The following SYNE2 variants were observed in gnomAD, a reference collection of about 807,000 sequenced individuals.
SYNE2 encodes the protein nesprin-2.
A neutral mutation model predicts 856.3 loss-of-function variants in SYNE2; 431 were observed. The ratio of observed to expected loss-of-function variants is 0.50; its 90% CI spans 0.47 to 0.55. SYNE2 has a LOEUF of 0.55. SYNE2 is among the 20% of genes least tolerant of loss of function. SYNE2 has a pLI of 0.00. For synonymous variants in SYNE2, 2,923 were observed against 2,872.3 expected, an observed-to-expected ratio of 1.02 and a Z score of -0.56; for missense variants, 8,129 against 8,023.2, an observed-to-expected ratio of 1.01 and a Z score of -0.50.
At chr14:64,075,684 CA>C in intron 53 of SYNE2, 1 of 418,452 alleles carries the variant, frequency 2.4e-6, no homozygotes, top group Non-Finnish European at 4.4e-6. Context: ...ACTTTAGAAG[CA>C]GGGGGTGTTG....
chr14:63,965,979 C>A (rs368997550), intron 10 of SYNE2, among the ~76,000 whole-genome samples: 12 of 152,138 alleles, frequency 7.9e-5, no homozygotes, highest in South Asian at 6.2e-4. Flanking sequence ...TTTATGAAGT[C>A]ATTAATTATC....
At chr14:63,766,713 C>G (rs1393008289) in intron 1 of SYNE2, among the ~76,000 whole-genome samples, 2 of 152,158 alleles carry the variant, frequency 1.3e-5, no homozygotes, top group African/African-American at 2.4e-5. Context: ...TAGACCACTT[C>G]AGGGGAAGAA....
At chr14:63,858,015 G>T (rs976920497) in intron 1 of SYNE2, among the ~76,000 whole-genome samples, 1 of 152,140 alleles carries the variant, frequency 6.6e-6, no homozygotes, top group Admixed American at 6.6e-5. Context: ...TTGATGGGGC[G>T]ACATCTGGTG....
At chr14:63,983,642 A>G (rs2096603301) in intron 17 of SYNE2, 95 bp from the exon 18 acceptor site, 1 of 1,047,566 alleles carries the variant, frequency 9.5e-7, no homozygotes, top group South Asian at 1.4e-5. Flanking sequence ...TCCTAAACAT[A>G]TATTTGAATA....
In SYNE2 at chr14:64,049,040, C is replaced by T. The variant is rs137993441; in HGVS notation, c.7378-571C>T. 18 of 152,106 alleles carry T rather than the reference C, an allele frequency of 1.2e-4. No homozygotes were observed. In the East Asian group the frequency reaches 3.5e-3, roughly 29 times the overall value. The allele number at this position is 152,106 out of a possible 1,614,324, so 9.4% of individuals were successfully genotyped here. ...AATAATAAAATTAAGATGAATTTCC[C>T]TTTAGATATTGCAGAACTCTTTAAG... is the stretch of plus-strand genomic sequence containing the variant. On this transcript the variant is annotated intron_variant, in intron 46 of 115. Coordinates refer to ENST00000555002, the MANE Select transcript of SYNE2 (RefSeq NM_182914.3).
At chr14:64,181,686 C>T (rs1453724763) in intron 96 of SYNE2, among the ~76,000 whole-genome samples, 1 of 152,154 alleles carries the variant, frequency 6.6e-6, no homozygotes, top group East Asian at 1.9e-4. Flanking sequence ...CCAATTTGAG[C>T]TTGACTTTCC....
intron 56 of SYNE2, 39 bp downstream of exon 56, chr14:64,080,677 G>A (rs1229417913): frequency 6.2e-6 from 10 of 1,606,998 alleles, no homozygotes; most frequent in Admixed American, 1.7e-5. Context: ...ATCATGTGGT[G>A]GTATTGAGAT....
rs1567531495 is a variant in SYNE2 at position 64,168,955 on chromosome 14, A to G, written c.16984A>G (p.Thr5662Ala). The G allele has an allele frequency of 6.2e-7, 1 of 1,613,730 alleles. No homozygotes were observed. The highest frequency in any genetic ancestry group is 8.5e-7 in the Non-Finnish European group (1 of 1,179,762). ...CCAGTCCTTACAACTCCTGGACACA[A>G]CAGAAATAGAGAACAGGTGAGCTGT... ...VTQSLQLLDT[T>A]EIENRPEFIT... Residue 5662 changes from threonine (T) to alanine (A), a missense_variant, in exon 93 of 116, where the codon ACA becomes GCA. Physicochemically the swap from Thr to Ala is moderately conservative, Grantham distance 58. Coordinates refer to ENST00000555002, the MANE Select transcript of SYNE2 (RefSeq NM_182914.3).
intron 1 of SYNE2, among the ~76,000 whole-genome samples, chr14:63,773,186 C>T (rs1886984786): frequency 6.6e-6 from 1 of 151,816 alleles, no homozygotes; most frequent in Admixed American, 6.6e-5. Context: ...TATTTAAATG[C>T]TATTTATTTT....
At position 64,027,480 on chromosome 14, in the gene SYNE2, T is replaced by G; in HGVS notation, c.6405-4T>G. The G allele has an allele frequency of 6.4e-7, 1 of 1,573,376 alleles. No individual in the cohort carries two copies. Among genetic ancestry groups the G allele is most frequent in the Non-Finnish European group, 8.6e-7 (1 of 1,159,588 alleles). On this transcript the variant is annotated splice_region_variant and splice_polypyrimidine_tract_variant and intron_variant, in intron 42 of 115. Transcript: ENST00000555002. Reference sequence around the variant, plus strand: ...TAATTTATAAAATATTTTGTGAAATTTAGCCATCAAGAAAAGCTTCTACTA... The same window carrying G: ...TAATTTATAAAATATTTTGTGAAATGTAGCCATCAAGAAAAGCTTCTACTA...
chr14:64,175,295 AATG>A (rs959927953), intron 95 of SYNE2, among the ~76,000 whole-genome samples, 157 bp downstream of exon 95: 69 of 152,348 alleles, frequency 4.5e-4, no homozygotes, highest in African/African-American at 1.5e-3. Context: ...CTTAATGTGA[AATG>A]ATGATATAGC....
rs142780941 is a variant in SYNE2 at position 64,170,383 on chromosome 14, C to T, written c.17156C>T (p.Thr5719Ile). The T allele has an allele frequency of 4.3e-6, 7 of 1,614,186 alleles. No homozygotes were observed. Among genetic ancestry groups the T allele is most frequent in the Non-Finnish European group, 5.9e-6 (7 of 1,180,030 alleles). Reference sequence around the variant, plus strand: ...AACTTGTTTCGCTTCCTCACTGACACCAGCCACCTGCTATCTGCAGTGAAG... The same window carrying T: ...AACTTGTTTCGCTTCCTCACTGACATCAGCCACCTGCTATCTGCAGTGAAG... ...VENLFRFLTD[T>I]SHLLSAVKGQ... Residue 5719 changes from threonine to isoleucine, a missense_variant, in exon 94 of 116, where the codon ACC (threonine) becomes ATC (isoleucine). Thr to Ile is a moderately conservative substitution (Grantham distance 89). This residue lies in a region of SYNE2 where 5,410 missense variants were observed against 5,284.8 expected (regional missense o/e 1.02). Transcript: ENST00000555002.
Position 63,881,778 on chromosome 14 carries a change from G to GCATA in SYNE2, c.-51-27319_-51-27316dup, listed in dbSNP as rs561166914. On this transcript the variant is annotated intron_variant, in intron 1 of 115. Transcript: ENST00000555002. Reference sequence around the variant, plus strand: ...CACCACTCGAAGAAACACAAGCTTTGCATAGCCTTAGTACTATGGCATTGC... The same window carrying GCATA: ...CACCACTCGAAGAAACACAAGCTTTGCATACATAGCCTTAGTACTATGGCATTGC... Among the ~76,000 whole-genome samples, 326 of 152,212 alleles carry GCATA rather than the reference G, an allele frequency of 2.1e-3. 1 individual carries two copies. Among genetic ancestry groups the GCATA allele is most frequent in the African/African-American group, 7.5e-3 (312 of 41,528 alleles).
chr14:63,967,552 A>G (rs1042547472), intron 10 of SYNE2, among the ~76,000 whole-genome samples, 157 bp from the exon 11 acceptor site: 3 of 152,222 alleles, frequency 2.0e-5, no homozygotes, highest in Admixed American at 6.5e-5. Context: ...GCACTGAAGA[A>G]GGAAACCAGA....
Position 63,991,105 on chromosome 14 carries a change from C to G in SYNE2, c.2636C>G (p.Ser879Ter). 2 of 1,613,988 alleles carry G rather than the reference C, an allele frequency of 1.2e-6. No individual in the cohort carries two copies. The highest frequency in any genetic ancestry group is 1.7e-6 in the Non-Finnish European group (2 of 1,179,938). ...GQRESPGELI[S>*]KHKEALIISN... ...AGAGAGAGCCCCGGTGAACTCATTTCAAAACACAAGGTGGGAATCTTTTCA... is the reference window on the plus strand; with the variant it reads ...AGAGAGAGCCCCGGTGAACTCATTTGAAAACACAAGGTGGGAATCTTTTCA... Residue 879 changes from serine to a stop codon, truncating the protein, a stop_gained, in exon 21 of 116, where the codon TCA (serine) becomes TGA (stop). Coordinates refer to ENST00000555002, the MANE Select transcript of SYNE2 (RefSeq NM_182914.3). LOFTEE classifies it high-confidence loss of function.
intron 95 of SYNE2, among the ~76,000 whole-genome samples, chr14:64,176,387 C>G (rs1027600046): frequency 6.6e-6 from 1 of 152,204 alleles, no homozygotes; most frequent in African/African-American, 2.4e-5. Flanking sequence ...TATGATAATA[C>G]TTTCCTTGTC....
At chr14:63,782,092 G>A (rs981507270) in intron 1 of SYNE2, among the ~76,000 whole-genome samples, 2 of 150,458 alleles carry the variant, frequency 1.3e-5, no homozygotes, top group African/African-American at 4.9e-5. Context: ...CCATGTTCAT[G>A]CCACTGCACT....
chr14:63,821,522 G>T (rs1595144802), intron 1 of SYNE2, among the ~76,000 whole-genome samples: 1 of 152,114 alleles, frequency 6.6e-6, no homozygotes, highest in East Asian at 1.9e-4. Flanking sequence ...AGGAGGTTGA[G>T]GTGGATGGAT....
rs1263022184 is a variant in SYNE2, at chr14:64,078,588, A to G, written c.11145A>G (p.Lys3715=). 4 of 1,613,978 alleles carry G rather than the reference A, an allele frequency of 2.5e-6. No individual in the cohort carries two copies. Among genetic ancestry groups the G allele is most frequent in the African/African-American group, 1.3e-5 (1 of 74,944 alleles). Reference sequence around the variant, plus strand: ...AGCAGAAAAGCAAAAATATTGAGAAAGCTCAAGAAATTCAAAAGGTAAAAT... The same window carrying G: ...AGCAGAAAAGCAAAAATATTGAGAAGGCTCAAGAAATTCAAAAGGTAAAAT... The part of the protein sequence containing the change: ...MLQQKSKNIE[K]AQEIQKKMWD... Residue 3715 remains lysine (K), a synonymous_variant, in exon 55 of 116, where the codon AAA becomes AAG. Coordinates refer to ENST00000555002, the MANE Select transcript of SYNE2 (RefSeq NM_182914.3).
Sources: gnomAD v4.1 joint callset for allele counts (sites outside exome capture counted in the v4.1 genomes callset) on GRCh38, gnomAD v4.1.1 for gene constraint, gnomAD v4.1.1 regional missense constraint, MANE v1.5 for transcripts, NCBI Gene and HGNC (gene_info 2026-07-23, HGNC 2026-07-21) for gene names.